SMYD3: variants seen among roughly 807,000 people sequenced by gnomAD.
SMYD3 encodes histone-lysine N-methyltransferase SMYD3.
SMYD3 carries 36 observed loss-of-function variants against 57.7 expected under a neutral mutation model. That is an observed-to-expected ratio of 0.62 (90% confidence interval 0.48 to 0.82). SMYD3 has a LOEUF of 0.82. Ranked by LOEUF, SMYD3 falls within the 40% of genes least tolerant of loss-of-function variation. The probability of loss-of-function intolerance (pLI) is 0.00; values close to 1 mark genes in which losing one functional copy is unlikely to be tolerated. For missense variants in SMYD3, 515 were observed against 538.8 expected (o/e 0.96, Z 0.44); for synonymous variants, 211 against 195.0 (o/e 1.08, Z -0.68).
chr1:245,860,277 C>T (rs1400156442), intron 9 of SMYD3, among the ~76,000 whole-genome samples: 1 of 152,154 alleles, frequency 6.6e-6, no homozygotes, highest in Admixed American at 6.5e-5. Flanking sequence ...CAGAGCACGC[C>T]CAGCCCTGAG....
intron 8 of SMYD3, among the ~76,000 whole-genome samples, chr1:245,900,375 T>C (rs933908764): frequency 3.9e-5 from 6 of 152,192 alleles, no homozygotes; most frequent in Non-Finnish European, 7.3e-5. Context: ...TAGATATCCT[T>C]AGGAGGTCTT....
chr1:246,072,560 A>G (rs2060476547), intron 5 of SMYD3, among the ~76,000 whole-genome samples: 1 of 152,218 alleles, frequency 6.6e-6, no homozygotes, highest in African/African-American at 2.4e-5. Context: ...CAGATTCACA[A>G]GGGGTAGACT....
At chr1:245,919,435 G>A (rs536890195) in intron 7 of SMYD3, among the ~76,000 whole-genome samples, 2 of 152,274 alleles carry the variant, frequency 1.3e-5, no homozygotes, top group African/African-American at 4.8e-5. Flanking sequence ...AGCCTCCTGA[G>A]AGCCTCTCAT....
chr1:246,043,642 A>G (rs762506292), intron 5 of SMYD3, among the ~76,000 whole-genome samples: 4 of 152,258 alleles, frequency 2.6e-5, no homozygotes, highest in Non-Finnish European at 5.9e-5. Context: ...GCAAGACACC[A>G]GATGATAATT....
At chr1:246,231,398 C>T (rs1271622462) in intron 5 of SMYD3, among the ~76,000 whole-genome samples, 1 of 152,098 alleles carries the variant, frequency 6.6e-6, no homozygotes, top group Non-Finnish European at 1.5e-5. Flanking sequence ...TATATCCCCA[C>T]TATATGGAAG....
intron 1 of SMYD3, among the ~76,000 whole-genome samples, chr1:246,358,855 G>A (rs977139382): frequency 3.3e-5 from 5 of 152,070 alleles, no homozygotes; most frequent in African/African-American, 7.2e-5. Context: ...TGCCTACATC[G>A]AAAAGCCTGA....
At chr1:245,898,382 C>T (rs1378021136) in intron 8 of SMYD3, among the ~76,000 whole-genome samples, 3 of 151,958 alleles carry the variant, frequency 2.0e-5, no homozygotes, top group African/African-American at 7.3e-5. Flanking sequence ...GGAAAGGGAA[C>T]AATTAGATAA....
chr1:246,464,263 C>T (rs1393271660), intron 1 of SMYD3, among the ~76,000 whole-genome samples: 1 of 152,178 alleles, frequency 6.6e-6, no homozygotes, highest in East Asian at 1.9e-4. Context: ...CTCCTGTAGA[C>T]CCAGCACTTT....
intron 5 of SMYD3, among the ~76,000 whole-genome samples, chr1:246,240,807 A>G (rs1333881966): frequency 6.6e-6 from 1 of 152,108 alleles, no homozygotes; most frequent in Non-Finnish European, 1.5e-5. Context: ...GGTCCTTCAC[A>G]TTCCTTGTAA....
intron 5 of SMYD3, among the ~76,000 whole-genome samples, chr1:245,936,315 T>C (rs143110757): frequency 1.6e-3 from 237 of 152,116 alleles, no homozygotes; most frequent in African/African-American, 5.2e-3. Context: ...ACATCTCTAA[T>C]ATTTGAAAAA....
intron 5 of SMYD3, among the ~76,000 whole-genome samples, chr1:246,053,976 A>T (rs969313743): frequency 2.6e-5 from 4 of 152,204 alleles, no homozygotes; most frequent in Non-Finnish European, 5.9e-5. Flanking sequence ...TGCCATTAAG[A>T]AAACAAAAAG....
intron 5 of SMYD3, among the ~76,000 whole-genome samples, chr1:246,319,265 A>C (rs913672496): frequency 2.8e-4 from 42 of 152,240 alleles, no homozygotes; most frequent in African/African-American, 9.9e-4. Flanking sequence ...CCAACAGCTA[A>C]GTATTCTAGC....
chr1:245,885,483 G>C (rs1396274079), intron 8 of SMYD3, among the ~76,000 whole-genome samples: 2 of 152,104 alleles, frequency 1.3e-5, no homozygotes, highest in South Asian at 2.1e-4. Context: ...ATGTGATTTG[G>C]GGACTGCTTT....
chr1:246,006,184 C>T (rs1212639052), intron 5 of SMYD3, among the ~76,000 whole-genome samples: 1 of 152,116 alleles, frequency 6.6e-6, no homozygotes, highest in Non-Finnish European at 1.5e-5. Context: ...GTCATGGTCC[C>T]CCAAAGCCCC....
chr1:246,258,945 G>T (rs954050821), intron 5 of SMYD3, among the ~76,000 whole-genome samples: 3 of 151,992 alleles, frequency 2.0e-5, no homozygotes, highest in African/African-American at 4.8e-5. Flanking sequence ...TGTCTGACTG[G>T]GTTAATTCAA....
intron 1 of SMYD3, among the ~76,000 whole-genome samples, chr1:246,418,757 T>G (rs1203342251): frequency 2.0e-5 from 3 of 152,156 alleles, no homozygotes; most frequent in Admixed American, 2.0e-4. Flanking sequence ...TCCACGTCGT[T>G]CTGCTGGCCG....
chr1:246,500,865 C>T (rs969041063), intron 1 of SMYD3, among the ~76,000 whole-genome samples: 2 of 152,200 alleles, frequency 1.3e-5, no homozygotes, highest in Non-Finnish European at 2.9e-5. Flanking sequence ...AGCCATAAAG[C>T]CCTTTCCCAA....
intron 5 of SMYD3, among the ~76,000 whole-genome samples, chr1:246,059,340 G>C (rs10924479): frequency 0.2 from 25,781 of 129,266 alleles, 2,676 homozygotes; most frequent in East Asian, 0.4. Context: ...TTTACCTAGA[G>C]AAAAAAAAAA....
chr1:246,264,606 C>A (rs2064070195), intron 5 of SMYD3, among the ~76,000 whole-genome samples: 1 of 152,174 alleles, frequency 6.6e-6, no homozygotes, highest in African/African-American at 2.4e-5. Context: ...GCCTCTAATG[C>A]AATACAGTGC....
Sources: gnomAD v4.1 joint callset for allele counts (sites outside exome capture counted in the v4.1 genomes callset) on GRCh38, gnomAD v4.1.1 for gene constraint, MANE v1.5 for transcripts, NCBI Gene and HGNC (gene_info 2026-07-23, HGNC 2026-07-21) for gene names.